The following INPP5B variants were observed in gnomAD, a reference collection of about 807,000 sequenced individuals.
INPP5B encodes the protein inositol polyphosphate-5-phosphatase B.
INPP5B carries 90 observed loss-of-function variants against 118.5 expected under a neutral mutation model. The observed-to-expected ratio is 0.76, with a 90% confidence interval of 0.64 to 0.90. INPP5B has a LOEUF of 0.90. Among genes scored for constraint, INPP5B ranks in the 40% least tolerant of loss-of-function variants. The pLI is 0.00. For missense variants in INPP5B, 984 were observed against 1,125.6 expected, an observed-to-expected ratio of 0.87 and a Z score of 1.80; for synonymous variants, 385 against 418.9, an observed-to-expected ratio of 0.92 and a Z score of 0.99.
Position 37,940,700 on chromosome 1 carries a change from T to A in INPP5B, c.379A>T (p.Arg127Trp). 1 of 1,612,902 alleles carries A rather than the reference T, an allele frequency of 6.2e-7. No individual in the cohort carries two copies. Reference protein sequence around the residue: ...QTRMFLHEVARACPGFDSATR... With the variant: ...QTRMFLHEVAWACPGFDSATR... ...GGGTCTTACCTACCTGGACAGGCCC[T>A]GGCAACTTCGTGGAGGAACATCCTG... The change falls in exon 6 of 24, where the codon AGG becomes TGG. Residue 127 changes from arginine (R) to tryptophan (W), a missense_variant. By Grantham distance (101) the Arg-to-Trp change is moderately radical. Around this residue, in one of 2 missense-constraint regions of INPP5B, gnomAD observed 350 missense variants for 334.6 expected, o/e 1.05. Coordinates refer to ENST00000373024, the MANE Select transcript of INPP5B (RefSeq NM_005540.3).
At chr1:37,892,906 G>T (rs1254093163) in intron 7 of INPP5B, among the ~76,000 whole-genome samples, 1 of 151,914 alleles carries the variant, frequency 6.6e-6, no homozygotes, top group African/African-American at 2.4e-5. Context: ...TGCTATGTGA[G>T]AACACAGTGA....
intron 7 of INPP5B, chr1:37,931,624 G>T (rs530821244): frequency 1.3e-6 from 2 of 1,533,858 alleles, no homozygotes; most frequent in East Asian, 4.9e-5. Flanking sequence ...CGGGCGCACC[G>T]CCGCCCCCGG....
chr1:37,937,165 G>C (rs1357528798), intron 6 of INPP5B, among the ~76,000 whole-genome samples: 1 of 151,662 alleles, frequency 6.6e-6, no homozygotes, highest in Non-Finnish European at 1.5e-5. Flanking sequence ...ACAAAAATTA[G>C]CCAGGCATGG....
intron 14 of INPP5B, among the ~76,000 whole-genome samples, chr1:37,881,369 G>C (rs576300470): frequency 6.6e-6 from 1 of 152,182 alleles, no homozygotes; most frequent in East Asian, 1.9e-4. Flanking sequence ...ATTAATTTTA[G>C]GAGCGCCTTC....
chr1:37,878,252 T>A lies in INPP5B; in HGVS notation c.1613A>T (p.Tyr538Phe), dbSNP rs1642964664. 6.2e-7 allele frequency: 1 copy of A among 1,614,036 alleles called. No individual in the cohort carries two copies. Among genetic ancestry groups the A allele is most frequent in the Non-Finnish European group, 8.5e-7 (1 of 1,180,030 alleles). Residue 538 changes from tyrosine to phenylalanine, a missense_variant, in exon 16 of 24, where the codon TAC becomes TTC. By Grantham distance (22) the Tyr-to-Phe change is conservative (BLOSUM62 3). This residue lies in a region of INPP5B where 634 missense variants were observed against 791.0 expected (regional missense o/e 0.80). Transcript: ENST00000373024. ...WKGKNITQLS[Y>F]QSHMALKTSD... ...GGTCTTCAGGGCCATGTGGCTCTGGTAACTCAGCTGAGTGATGTTCTTCCC... is the reference window on the plus strand; with the variant it reads ...GGTCTTCAGGGCCATGTGGCTCTGGAAACTCAGCTGAGTGATGTTCTTCCC...
chr1:37,883,275 CA>C lies in INPP5B; in HGVS notation c.1320-358del, dbSNP rs1372974255. On this transcript the variant is annotated intron_variant, in intron 13 of 23. Coordinates refer to ENST00000373024, the MANE Select transcript of INPP5B (RefSeq NM_005540.3). Reference sequence around the variant, plus strand: ...AGTCACGCCAATCACCCAGAGATCCCAAATCAGATGATGCCACGATACCACC... The same window carrying C: ...AGTCACGCCAATCACCCAGAGATCCCAATCAGATGATGCCACGATACCACC... 6.6e-5 allele frequency: 65 copies of C among 985,282 alleles called. No homozygotes were observed. The African/African-American group carries it at 1.1e-3, about 17-fold the overall frequency. The allele number at this position is 985,282 out of a possible 1,614,324, so 61.0% of individuals were successfully genotyped here. A position where few individuals can be genotyped will look rare whatever the true frequency, so the allele number is the denominator to read the frequency against.
intron 15 of INPP5B, among the ~76,000 whole-genome samples, chr1:37,879,185 T>C (rs556932798): frequency 1.2e-3 from 180 of 151,740 alleles, no homozygotes; most frequent in Non-Finnish European, 2.3e-3. Flanking sequence ...GGCAGGAGAA[T>C]TGCTTGAACC....
At chr1:37,865,331 C>G (rs1378262072) in intron 22 of INPP5B, among the ~76,000 whole-genome samples, 1 of 152,170 alleles carries the variant, frequency 6.6e-6, no homozygotes, top group Non-Finnish European at 1.5e-5. Flanking sequence ...TTAAGAAAAT[C>G]AGTAATTGGC....
chr1:37,918,053 A>G (rs1232827024), intron 7 of INPP5B, among the ~76,000 whole-genome samples: 4 of 152,092 alleles, frequency 2.6e-5, no homozygotes, highest in African/African-American at 9.7e-5. Context: ...CATTCTTCCT[A>G]TCAGCCAGGT....
chr1:37,874,981 T>A (rs1642700129), intron 17 of INPP5B, among the ~76,000 whole-genome samples: 1 of 152,124 alleles, frequency 6.6e-6, no homozygotes, highest in African/African-American at 2.4e-5. Context: ...GTATCCAAAC[T>A]CAATTTAATC....
chr1:37,941,975 A>ATATATATATAT (rs1365512516), intron 5 of INPP5B: 2 of 91,774 alleles, frequency 2.2e-5, no homozygotes, highest in African/African-American at 4.0e-5. Context: ...ATATATATAT[A>ATATATATATAT]AAATAAAATA....
chr1:37,938,740 A>G lies in INPP5B; in HGVS notation c.391+1948T>C, dbSNP rs570991504. Among the ~76,000 whole-genome samples the G allele has an allele frequency of 2.6e-5, 4 of 152,300 alleles. No homozygotes were observed. The East Asian group carries it at 5.8e-4, about 22-fold the overall frequency. On this transcript the variant is annotated intron_variant, in intron 6 of 23. Transcript: ENST00000373024. ...TCCTTTTATTTTAAGATTTAGAGAT[A>G]AATTTCCCCCTGCTTAATAAATTTG...
intron 7 of INPP5B, among the ~76,000 whole-genome samples, chr1:37,893,085 CTTTTTTTTTTTTT>C (rs71053999): frequency 1.2e-4 from 10 of 81,426 alleles, no homozygotes; most frequent in Admixed American, 1.6e-4. Flanking sequence ...TTTTCTTTTT[CTTTTTTTTTTTTT>C]TTTTTTTTTT....
intron 14 of INPP5B, among the ~76,000 whole-genome samples, chr1:37,881,207 A>C (rs1643178787): frequency 6.6e-6 from 1 of 152,230 alleles, no homozygotes; most frequent in African/African-American, 2.4e-5. Context: ...TTGTCAAATT[A>C]GTTATGCGAA....
At position 37,873,114 on chromosome 1, in the gene INPP5B, G is replaced by C; in HGVS notation, c.2003C>G (p.Thr668Arg). The change falls in exon 19 of 24, where the codon ACA (threonine) becomes AGA (arginine). Residue 668 changes from threonine to arginine, a missense_variant. By Grantham distance (71) the Thr-to-Arg change is moderately conservative (BLOSUM62 -1). This residue lies in a region of INPP5B where 634 missense variants were observed against 791.0 expected (regional missense o/e 0.80). Coordinates refer to ENST00000373024, the MANE Select transcript of INPP5B (RefSeq NM_005540.3). ...TTTGTCTTCACCCGAGTTGAGCTTT[G>C]TAGCTGTCATCTTATTTACGAAGAG... is the stretch of plus-strand genomic sequence containing the variant. ...LELFVNKMTA[T>R]KLNSGEDKIE... 1 of 1,614,072 alleles carries C rather than the reference G, an allele frequency of 6.2e-7. No homozygotes were observed. The highest frequency in any genetic ancestry group is 8.5e-7 in the Non-Finnish European group (1 of 1,179,978).
At chr1:37,940,622 A>T in intron 6 of INPP5B, 66 bp downstream of exon 6, 1 of 896,664 alleles carries the variant, frequency 1.1e-6, no homozygotes, top group Non-Finnish European at 1.9e-6. Flanking sequence ...GTGGAGAGTC[A>T]ACTGGGGTGG....
chr1:37,881,755 A>G (rs1010182384), intron 14 of INPP5B, among the ~76,000 whole-genome samples: 5 of 152,140 alleles, frequency 3.3e-5, no homozygotes, highest in African/African-American at 9.7e-5. Flanking sequence ...ACAGAGAAAG[A>G]CATAACTAAG....
At chr1:37,920,396 G>A (rs1445161181) in intron 7 of INPP5B, among the ~76,000 whole-genome samples, 1 of 152,178 alleles carries the variant, frequency 6.6e-6, no homozygotes, top group East Asian at 1.9e-4. Context: ...CGGGAGCGGT[G>A]GCTCATGCCT....
chr1:37,929,293 T>C (rs1471967897), intron 7 of INPP5B: 1 of 152,036 alleles, frequency 6.6e-6, no homozygotes, highest in Non-Finnish European at 1.5e-5. Context: ...CTAATTTTTG[T>C]ATTTTTAGTA....
Sources: gnomAD v4.1 joint callset for allele counts (sites outside exome capture counted in the v4.1 genomes callset) on GRCh38, gnomAD v4.1.1 for gene constraint, gnomAD v4.1.1 regional missense constraint, MANE v1.5 for transcripts, NCBI Gene and HGNC (gene_info 2026-07-23, HGNC 2026-07-21) for gene names.